Variants in FNBP1 observed in about 807,000 individuals in gnomAD.
The protein encoded by FNBP1 is formin binding protein 1.
In FNBP1, 26 loss-of-function variants were observed where a neutral mutation model predicts 90.6. The ratio of observed to expected loss-of-function variants is 0.29; its 90% CI spans 0.21 to 0.40. FNBP1 has a LOEUF of 0.40. Ranked by LOEUF, FNBP1 falls within the 10% of genes least tolerant of loss-of-function variation. The pLI, the probability that FNBP1 is intolerant of heterozygous loss-of-function variation, is 1.00. For synonymous variants in FNBP1, 260 were observed against 265.2 expected (o/e 0.98, Z 0.19); for missense variants, 635 against 768.0 (o/e 0.83, Z 2.05).
chr9:129,964,306 C>G (rs924437491), intron 4 of FNBP1, among the ~76,000 whole-genome samples: 1 of 152,122 alleles, frequency 6.6e-6, no homozygotes. Context: ...AGAATGAAGT[C>G]ATCACAGCTC....
intron 13 of FNBP1, 101 bp downstream of exon 13, chr9:129,902,768 T>C (rs1386403785): frequency 1.7e-6 from 2 of 1,175,260 alleles, no homozygotes; most frequent in African/African-American, 3.0e-5. Flanking sequence ...TCCCACTGTG[T>C]ACCTCCCAGT....
Position 129,888,601 on chromosome 9 carries a change from T to A in FNBP1, c.*1938A>T, listed in dbSNP as rs1310656450. 1 of 232,862 alleles carries A rather than the reference T, an allele frequency of 4.3e-6. No homozygotes were observed. The highest frequency in any genetic ancestry group is 2.2e-5 in the African/African-American group (1 of 45,304). The allele number at this position is 232,862 out of a possible 1,614,324, so 14.4% of individuals were successfully genotyped here. A position where few individuals can be genotyped will look rare whatever the true frequency, so the allele number is the denominator to read the frequency against. ...TGGCTCTGCCGCAACCCTGAGCGGT[T>A]TGCAGTCCCCCCCGGGGAAGAAGCA... On this transcript the variant is annotated 3_prime_UTR_variant, in exon 17 of 17. Coordinates refer to ENST00000446176, the MANE Select transcript of FNBP1 (RefSeq NM_015033.3).
chr9:129,924,835 A>G, intron 9 of FNBP1, 125 bp downstream of exon 9: 1 of 794,680 alleles, frequency 1.3e-6, no homozygotes. Context: ...AACATAAGGT[A>G]GCACACTAGC....
chr9:129,985,090 G>A (rs979424570), intron 2 of FNBP1, among the ~76,000 whole-genome samples: 4 of 151,866 alleles, frequency 2.6e-5, no homozygotes, highest in African/African-American at 7.3e-5. Flanking sequence ...AGGCCCTTTC[G>A]CGACCCTGAC....
intron 1 of FNBP1, among the ~76,000 whole-genome samples, chr9:130,018,558 T>C (rs1461517810): frequency 2.0e-5 from 3 of 149,584 alleles, no homozygotes; most frequent in Non-Finnish European, 4.4e-5. Context: ...TTTGGGTATT[T>C]ATTTATTTAT....
At chr9:129,990,147 AT>A (rs1216938977) in intron 2 of FNBP1, among the ~76,000 whole-genome samples, 1 of 152,180 alleles carries the variant, frequency 6.6e-6, no homozygotes, top group Non-Finnish European at 1.5e-5. Flanking sequence ...AATTAGCCTG[AT>A]TTGGGCATTC....
intron 1 of FNBP1, chr9:130,013,598 G>T: frequency 2.4e-6 from 1 of 419,942 alleles, no homozygotes; most frequent in South Asian, 1.8e-5. Context: ...AGGTTTAGGA[G>T]CTAGACAATA....
Position 129,900,618 on chromosome 9 carries a change from C to T in FNBP1, c.1429-71G>A. 7.4e-7 allele frequency: 1 copy of T among 1,355,510 alleles called. No individual in the cohort carries two copies. The highest frequency in any genetic ancestry group is 9.5e-7 in the Non-Finnish European group (1 of 1,051,916). 84.0% of individuals were successfully genotyped at this position (1,355,510 alleles called of 1,614,324 possible). On this transcript the variant is annotated intron_variant, in intron 13 of 16. Coordinates refer to ENST00000446176, the MANE Select transcript of FNBP1 (RefSeq NM_015033.3). This position sits in a 1 kb window ranked among gnomAD's most constrained non-coding sequence, Gnocchi z 4.1. The stretch of plus-strand genomic sequence containing the variant: ...GGTCAGCCCAGAGTGTCCTAAGGTC[C>T]CAAAGGCCATCTGAGGGCCAGCCCG...
At chr9:129,980,887 T>C (rs543337999) in intron 2 of FNBP1, among the ~76,000 whole-genome samples, 1 of 151,294 alleles carries the variant, frequency 6.6e-6, no homozygotes, top group East Asian at 2.0e-4. Flanking sequence ...CCGTCTCTAC[T>C]AAAAATACAA....
intron 1 of FNBP1, among the ~76,000 whole-genome samples, chr9:129,995,234 G>C (rs1352878687): frequency 6.6e-6 from 1 of 151,986 alleles, no homozygotes; most frequent in African/African-American, 2.4e-5. Context: ...TCAGTGCAAG[G>C]AAAAATGTCA....
intron 1 of FNBP1, among the ~76,000 whole-genome samples, chr9:129,999,626 C>T (rs1166933966): frequency 2.0e-5 from 3 of 151,466 alleles, no homozygotes; most frequent in Admixed American, 6.6e-5. Flanking sequence ...TTGAGAATTC[C>T]GAAGAGCTTT....
chr9:129,958,968 A>G (rs1353749543), intron 4 of FNBP1, among the ~76,000 whole-genome samples: 2 of 122,702 alleles, frequency 1.6e-5, no homozygotes, highest in African/African-American at 6.0e-5. Context: ...CCTGGATGAC[A>G]CAGTGAAACT....
intron 7 of FNBP1, among the ~76,000 whole-genome samples, chr9:129,927,543 A>C (rs2042094610): frequency 6.6e-6 from 1 of 152,160 alleles, no homozygotes; most frequent in Non-Finnish European, 1.5e-5. Context: ...GGCTGCCCAA[A>C]TATATGCTTT....
chr9:129,909,070 C>G (rs762517040), intron 11 of FNBP1, 71 bp from the exon 12 acceptor site: 1 of 1,018,758 alleles, frequency 9.8e-7, no homozygotes, highest in Non-Finnish European at 1.5e-6. Context: ...GAAAGCAAAG[C>G]CTGCAGCCAT....
chr9:129,988,550 G>A (rs983619437), intron 2 of FNBP1, among the ~76,000 whole-genome samples: 114 of 152,096 alleles, frequency 7.5e-4, no homozygotes, highest in African/African-American at 2.6e-3. Flanking sequence ...GGTGGTGTGC[G>A]CCTGTAGTCC....
At chr9:130,034,057 C>T (rs547066422) in intron 1 of FNBP1, among the ~76,000 whole-genome samples, 173 of 150,086 alleles carry the variant, frequency 1.2e-3, no homozygotes, top group African/African-American at 3.8e-3. Context: ...TGCGGTGGCT[C>T]ACACCTGTAA....
At chr9:129,943,655 G>A (rs971562222) in intron 6 of FNBP1, among the ~76,000 whole-genome samples, 1 of 151,928 alleles carries the variant, frequency 6.6e-6, no homozygotes, top group South Asian at 2.1e-4. Context: ...CTAAAGTGCT[G>A]GGATTACAGG....
At position 129,888,296 on chromosome 9, in the gene FNBP1, C is replaced by T. The variant is rs1038619380; in HGVS notation, c.*2243G>A. ...GCTCTAAAATCCCATTTTAAAGAAC[C>T]GTTTCACATCCTCGTGGAGTGGAGA... is the stretch of plus-strand genomic sequence containing the variant. On this transcript the variant is annotated 3_prime_UTR_variant, in exon 17 of 17. Coordinates refer to ENST00000446176, the MANE Select transcript of FNBP1 (RefSeq NM_015033.3). 7.3e-5 allele frequency: 17 copies of T among 232,444 alleles called. No homozygotes were observed. The highest frequency in any genetic ancestry group is 2.6e-3 in the Middle Eastern group (2 of 776). The allele number at this position is 232,444 out of a possible 1,614,324, so 14.4% of individuals were successfully genotyped here.
At chr9:129,930,060 T>A (rs1327923229) in intron 6 of FNBP1, among the ~76,000 whole-genome samples, 1 of 146,944 alleles carries the variant, frequency 6.8e-6, no homozygotes, top group Non-Finnish European at 1.5e-5. Flanking sequence ...AGAAATTCAT[T>A]TTTTTTTTTT....
Sources: gnomAD v4.1 joint callset for allele counts (sites outside exome capture counted in the v4.1 genomes callset) on GRCh38, gnomAD v4.1.1 for gene constraint, Gnocchi (gnomAD v3.1) non-coding constraint, MANE v1.5 for transcripts, NCBI Gene and HGNC (gene_info 2026-07-23, HGNC 2026-07-21) for gene names.